LHFPL2: variants seen among roughly 807,000 people sequenced by gnomAD.
LHFPL2 encodes the protein LHFPL tetraspan subfamily member 2.
In LHFPL2, 7 loss-of-function variants were observed where a neutral mutation model predicts 17.5. That is an observed-to-expected ratio of 0.40 (90% confidence interval 0.23 to 0.75). The LOEUF is 0.75. Ranked by LOEUF, LHFPL2 falls within the 30% of genes least tolerant of loss-of-function variation. The probability of loss-of-function intolerance (pLI) is 0.37; values close to 1 mark genes in which losing one functional copy is unlikely to be tolerated. For missense variants in LHFPL2, 241 were observed against 294.8 expected (o/e 0.82, Z 1.34); for synonymous variants, 134 against 116.2 (o/e 1.15, Z -0.99).
intron 2 of LHFPL2, among the ~76,000 whole-genome samples, chr5:78,583,936 T>A (rs1455296536): frequency 6.6e-6 from 1 of 151,984 alleles, no homozygotes; most frequent in East Asian, 1.9e-4. Flanking sequence ...GACGTAGATT[T>A]GGTCTTTTCA....
chr5:78,565,092 G>C (rs995480923), intron 2 of LHFPL2, among the ~76,000 whole-genome samples: 1 of 152,118 alleles, frequency 6.6e-6, no homozygotes, highest in East Asian at 1.9e-4. Flanking sequence ...AAAGTAAAAG[G>C]CCAGGGGGGA....
chr5:78,611,205 C>T (rs1303701805), intron 2 of LHFPL2, among the ~76,000 whole-genome samples: 1 of 152,204 alleles, frequency 6.6e-6, no homozygotes, highest in East Asian at 1.9e-4. Flanking sequence ...GCAGGCTGAG[C>T]TCAGTGCAGC....
intron 2 of LHFPL2, among the ~76,000 whole-genome samples, chr5:78,608,066 T>C (rs1013724315): frequency 2.6e-4 from 40 of 152,322 alleles, no homozygotes; most frequent in African/African-American, 9.6e-4. Flanking sequence ...CACCAGGGGA[T>C]GGACAAATGA....
chr5:78,550,589 G>T (rs1273481194), intron 3 of LHFPL2, among the ~76,000 whole-genome samples: 5 of 131,192 alleles, frequency 3.8e-5, no homozygotes, highest in Non-Finnish European at 8.9e-5. Flanking sequence ...TATTTATTTT[G>T]AGATGGATTC....
At chr5:78,545,625 G>C (rs750703893) in intron 3 of LHFPL2, among the ~76,000 whole-genome samples, 2 of 152,304 alleles carry the variant, frequency 1.3e-5, no homozygotes, top group East Asian at 3.9e-4. Flanking sequence ...CGTGGAGGCC[G>C]ATCATTCGAG....
intron 2 of LHFPL2, among the ~76,000 whole-genome samples, chr5:78,580,766 G>C (rs1271417834): frequency 6.6e-6 from 1 of 152,088 alleles, no homozygotes; most frequent in African/African-American, 2.4e-5. Flanking sequence ...AGTATAGTTT[G>C]AAGTCAGGTA....
chr5:78,623,358 CCAT>C (rs1185344115), intron 2 of LHFPL2, among the ~76,000 whole-genome samples: 76 of 152,166 alleles, frequency 5.0e-4, no homozygotes, highest in Non-Finnish European at 7.3e-5. Flanking sequence ...ATACAGAATT[CCAT>C]CATGTTTCAG....
chr5:78,547,237 G>A (rs1196187897), intron 3 of LHFPL2, among the ~76,000 whole-genome samples: 2 of 152,198 alleles, frequency 1.3e-5, no homozygotes, highest in Non-Finnish European at 2.9e-5. Context: ...TCTCACGGCT[G>A]CATCAGTAAC....
chr5:78,508,606 G>A (rs997846744), intron 4 of LHFPL2, among the ~76,000 whole-genome samples: 3 of 152,242 alleles, frequency 2.0e-5, no homozygotes, highest in African/African-American at 4.8e-5. Flanking sequence ...TTGGAAGCCA[G>A]CCCTGCTGAG....
intron 4 of LHFPL2, among the ~76,000 whole-genome samples, chr5:78,492,333 TTAATA>T (rs1218418324): frequency 6.6e-6 from 1 of 152,228 alleles, no homozygotes; most frequent in African/African-American, 2.4e-5. Context: ...TATGTGCACT[TTAATA>T]TATTAGGGAC....
chr5:78,618,314 G>A (rs1374800922), intron 2 of LHFPL2, among the ~76,000 whole-genome samples: 1 of 152,160 alleles, frequency 6.6e-6, no homozygotes, highest in Non-Finnish European at 1.5e-5. Flanking sequence ...TTTTTTAGGG[G>A]TCATCTGAAA....
intron 2 of LHFPL2, among the ~76,000 whole-genome samples, chr5:78,579,311 GT>G (rs376666114): frequency 0.017 from 2,553 of 148,242 alleles, 74 homozygotes; most frequent in African/African-American, 0.058. Context: ...TGCTCGCAAG[GT>G]TTTTTTTTTG....
At chr5:78,609,593 GAAGAA>G (rs981399646) in intron 2 of LHFPL2, among the ~76,000 whole-genome samples, 6 of 151,856 alleles carry the variant, frequency 4.0e-5, no homozygotes, top group African/African-American at 1.2e-4. Flanking sequence ...AATCCATTGT[GAAGAA>G]AAGAAAACAG....
At chr5:78,605,387 T>C (rs192494991) in intron 2 of LHFPL2, among the ~76,000 whole-genome samples, 6 of 152,256 alleles carry the variant, frequency 3.9e-5, no homozygotes, top group Admixed American at 3.9e-4. Flanking sequence ...GTCTGGGAAA[T>C]ACATGGCCCT....
chr5:78,510,802 ATGTTT>A (rs1217218972), intron 3 of LHFPL2, among the ~76,000 whole-genome samples: 5 of 152,188 alleles, frequency 3.3e-5, no homozygotes, highest in Admixed American at 6.5e-5. Context: ...CTATTAGTGG[ATGTTT>A]TGTTTTGTTT....
At chr5:78,616,213 C>T (rs1041598491) in intron 2 of LHFPL2, among the ~76,000 whole-genome samples, 16 of 152,114 alleles carry the variant, frequency 1.1e-4, no homozygotes, top group African/African-American at 2.9e-4. Context: ...CTGCAAGCTC[C>T]GCCTTCGGGT....
chr5:78,635,364 C>T (rs1408878977), intron 1 of LHFPL2, among the ~76,000 whole-genome samples: 2 of 152,156 alleles, frequency 1.3e-5, no homozygotes, highest in African/African-American at 2.4e-5. Flanking sequence ...GAAAGACGCC[C>T]CCAACACTCC....
In LHFPL2 at chr5:78,488,087, A is replaced by G. The variant is rs1754311062; in HGVS notation, c.*810T>C. The G allele has an allele frequency of 6.6e-6, 1 of 152,206 alleles. No homozygotes were observed. The highest frequency in any genetic ancestry group is 1.5e-5 in the Non-Finnish European group (1 of 68,040). The allele number at this position is 152,206 out of a possible 1,614,324, so 9.4% of individuals were successfully genotyped here. On this transcript the variant is annotated 3_prime_UTR_variant, in exon 5 of 5. Coordinates refer to ENST00000380345, the MANE Select transcript of LHFPL2 (RefSeq NM_005779.3). ...GGTTTCCTTTCGCAGTCAAAGCACA[A>G]TCCTAACCTTAGAAGAAAAACATGT...
At chr5:78,493,252 A>G (rs182987939) in intron 4 of LHFPL2, among the ~76,000 whole-genome samples, 383 of 152,258 alleles carry the variant, frequency 2.5e-3, no homozygotes, top group Non-Finnish European at 4.4e-3. Flanking sequence ...AAGCAAAGCT[A>G]CCTGTCTGAG....
Sources: allele counts gnomAD v4.1 joint callset (sites outside exome capture counted in the v4.1 genomes callset), GRCh38; gene constraint gnomAD v4.1.1; transcripts MANE v1.5; gene names NCBI Gene and HGNC (gene_info 2026-07-23, HGNC 2026-07-21).